The following CSTPP1 variants were observed in gnomAD, a reference collection of about 807,000 sequenced individuals.
CSTPP1 encodes the protein UPF0705 protein C11orf49.
the CSTPP1 span, among the ~76,000 whole-genome samples, chr11:47,119,274 G>T: frequency 6.6e-6 from 1 of 152,278 alleles, no homozygotes; most frequent in Non-Finnish European, 1.5e-5. Context: ...TGGCACAGGA[G>T]AGAATCACCT....
the CSTPP1 span, among the ~76,000 whole-genome samples, chr11:47,002,461 C>G: frequency 7.9e-5 from 12 of 152,132 alleles, no homozygotes; most frequent in Non-Finnish European, 1.5e-4. Context: ...TCTTCAGTCC[C>G]TTTGTATTAT....
chr11:47,114,515 G>A, the CSTPP1 span, among the ~76,000 whole-genome samples: 1 of 152,104 alleles, frequency 6.6e-6, no homozygotes, highest in African/African-American at 2.4e-5. Flanking sequence ...GTTGAGCAGT[G>A]GTTTGTAGTT....
At chr11:47,097,307 C>T in the CSTPP1 span, among the ~76,000 whole-genome samples, 1 of 131,110 alleles carries the variant, frequency 7.6e-6, no homozygotes, top group Non-Finnish European at 1.7e-5. Context: ...AGCCAGCCGC[C>T]CCGTCCGGGA....
At chr11:47,038,701 C>T in the CSTPP1 span, among the ~76,000 whole-genome samples, 586 of 124,120 alleles carry the variant, frequency 4.7e-3, 43 homozygotes, top group African/African-American at 0.013. Flanking sequence ...ACCTCCCTGC[C>T]GGACGAGGTG....
At chr11:46,979,900 C>T in the CSTPP1 span, among the ~76,000 whole-genome samples, 3 of 152,028 alleles carry the variant, frequency 2.0e-5, no homozygotes, top group South Asian at 2.1e-4. Flanking sequence ...GTGACAACAG[C>T]GAGACTCTGA....
the CSTPP1 span, among the ~76,000 whole-genome samples, chr11:46,973,800 C>G: frequency 4.8e-4 from 16 of 33,104 alleles, no homozygotes; most frequent in African/African-American, 9.6e-4. Flanking sequence ...GTGTGTGTGT[C>G]TGTGTGTGTC....
the CSTPP1 span, among the ~76,000 whole-genome samples, chr11:47,064,880 G>C: frequency 6.6e-6 from 1 of 152,112 alleles, no homozygotes; most frequent in African/African-American, 2.4e-5. Flanking sequence ...GTGTAGCTGG[G>C]ATTACAGGCA....
chr11:47,054,000 G>T, the CSTPP1 span, among the ~76,000 whole-genome samples: 1 of 151,394 alleles, frequency 6.6e-6, no homozygotes, highest in Admixed American at 6.6e-5. Context: ...TTATTTGAAG[G>T]CTTTTTTTTT....
chr11:47,097,173 C>A, the CSTPP1 span, among the ~76,000 whole-genome samples: 7 of 129,922 alleles, frequency 5.4e-5, no homozygotes, highest in African/African-American at 1.8e-4. Context: ...TCCGCCCGGC[C>A]AGCCGCCCCG....
chr11:47,128,408 G>A, the CSTPP1 span, among the ~76,000 whole-genome samples: 1 of 152,144 alleles, frequency 6.6e-6, no homozygotes. Flanking sequence ...TTGAGACAGG[G>A]TCTCACTCAG....
At chr11:46,992,438 T>C in the CSTPP1 span, among the ~76,000 whole-genome samples, 5 of 135,210 alleles carry the variant, frequency 3.7e-5, no homozygotes, top group Admixed American at 2.6e-4. Context: ...CCATCCTGTG[T>C]CCAAGTGTTT....
chr11:47,147,826 G>A, the CSTPP1 span, among the ~76,000 whole-genome samples: 3 of 152,158 alleles, frequency 2.0e-5, no homozygotes, highest in African/African-American at 4.8e-5. Context: ...TCACTGAACT[G>A]ACCTCATAGG....
chr11:47,046,205 G>T, the CSTPP1 span, among the ~76,000 whole-genome samples: 3 of 151,178 alleles, frequency 2.0e-5, no homozygotes, highest in African/African-American at 7.3e-5. Flanking sequence ...CATCCAAATT[G>T]GAAAGTAAAA....
chr11:46,972,389 C>T, the CSTPP1 span, among the ~76,000 whole-genome samples: 1 of 152,132 alleles, frequency 6.6e-6, no homozygotes, highest in African/African-American at 2.4e-5. Flanking sequence ...ATGAGACCCC[C>T]TTGCTAGGGT....
At chr11:46,995,413 T>A in the CSTPP1 span, among the ~76,000 whole-genome samples, 2 of 152,334 alleles carry the variant, frequency 1.3e-5, no homozygotes, top group East Asian at 3.9e-4. Context: ...TGTGGGCATT[T>A]AGTGCTATCA....
At chr11:47,002,441 C>T in the CSTPP1 span, among the ~76,000 whole-genome samples, 1 of 152,122 alleles carries the variant, frequency 6.6e-6, no homozygotes, top group Non-Finnish European at 1.5e-5. Flanking sequence ...TTTGTAGAAT[C>T]CATCTCACTT....
the CSTPP1 span, among the ~76,000 whole-genome samples, chr11:47,006,952 T>C: frequency 6.6e-6 from 1 of 151,024 alleles, no homozygotes; most frequent in African/African-American, 2.4e-5. Context: ...CTTTTCATAG[T>C]ATTCTCTGTC....
chr11:47,108,813 T>G, the CSTPP1 span, among the ~76,000 whole-genome samples: 1 of 151,524 alleles, frequency 6.6e-6, no homozygotes, highest in Non-Finnish European at 1.5e-5. Flanking sequence ...TTCAAGCGAT[T>G]CTCTTACCTC....
chr11:47,005,998 A>G, the CSTPP1 span, among the ~76,000 whole-genome samples: 1 of 152,194 alleles, frequency 6.6e-6, no homozygotes, highest in African/African-American at 2.4e-5. Context: ...TTCAACTCTT[A>G]TGGAGCTTCC....
Sources: allele counts gnomAD v4.1 joint callset (sites outside exome capture counted in the v4.1 genomes callset), GRCh38; gene constraint gnomAD v4.1.1; transcripts MANE v1.5; gene names NCBI Gene and HGNC (gene_info 2026-07-23, HGNC 2026-07-21).